The following SGCZ variants were observed in gnomAD, a reference collection of about 807,000 sequenced individuals.
SGCZ encodes zeta-sarcoglycan.
SGCZ carries 40 observed loss-of-function variants against 41.3 expected under a neutral mutation model. The observed-to-expected ratio is 0.97, with a 90% CI of 0.75 to 1.26. The LOEUF is 1.26. Among genes scored for constraint, SGCZ ranks in the 50% most tolerant of loss-of-function variants. The pLI, the probability that SGCZ is intolerant of heterozygous loss-of-function variation, is 0.00. For synonymous variants in SGCZ, 206 were observed against 137.5 expected, an observed-to-expected ratio of 1.50 and a Z score of -3.49; for missense variants, 552 against 369.8, an observed-to-expected ratio of 1.49 and a Z score of -4.04.
intron 2 of SGCZ, among the ~76,000 whole-genome samples, chr8:14,425,646 A>G (rs1178594267): frequency 1.3e-5 from 2 of 151,932 alleles, no homozygotes; most frequent in Non-Finnish European, 2.9e-5. Flanking sequence ...AAGAAAAAAA[A>G]AAAGAAAAGT....
rs565521843 is a variant in SGCZ, at chr8:14,240,756, C to T, written c.337-3077G>A. On this transcript the variant is annotated intron_variant, in intron 3 of 7. Transcript: ENST00000382080. ...GATCATCACTTCCATCCACAAGTCACATAATCATTTCTGTATTTTATATCA... is the reference window on the plus strand; with the variant it reads ...GATCATCACTTCCATCCACAAGTCATATAATCATTTCTGTATTTTATATCA... Among the ~76,000 whole-genome samples, 12 of 152,300 alleles carry T rather than the reference C, an allele frequency of 7.9e-5. No homozygotes were observed. The South Asian group carries it at 8.3e-4, about 11-fold the overall frequency.
chr8:14,403,665 A>G (rs1348563213), intron 2 of SGCZ, among the ~76,000 whole-genome samples: 10 of 152,124 alleles, frequency 6.6e-5, no homozygotes, highest in Non-Finnish European at 1.5e-5. Flanking sequence ...CAAAAAACTT[A>G]TTTTCATAAG....
At chr8:14,138,200 C>T (rs913616023) in intron 5 of SGCZ, among the ~76,000 whole-genome samples, 3 of 152,118 alleles carry the variant, frequency 2.0e-5, no homozygotes, top group Non-Finnish European at 4.4e-5. Flanking sequence ...TGGAAAGGAA[C>T]AACCAGTACC....
At chr8:14,437,940 G>C (rs1448739386) in intron 2 of SGCZ, among the ~76,000 whole-genome samples, 1 of 151,828 alleles carries the variant, frequency 6.6e-6, no homozygotes, top group African/African-American at 2.4e-5. Flanking sequence ...GATTTGTGTT[G>C]TAAATAGTTT....
chr8:14,132,808 C>T (rs1273410013), intron 5 of SGCZ, among the ~76,000 whole-genome samples: 2 of 152,162 alleles, frequency 1.3e-5, no homozygotes, highest in East Asian at 3.9e-4. Flanking sequence ...AAATCAGATT[C>T]TGCCACCTTT....
chr8:14,340,228 C>T (rs1585383260), intron 2 of SGCZ, among the ~76,000 whole-genome samples: 1 of 151,972 alleles, frequency 6.6e-6, no homozygotes, highest in African/African-American at 2.4e-5. Context: ...AAGATTTCTT[C>T]CCATGTTGCT....
At chr8:14,799,838 T>G (rs764338759) in intron 1 of SGCZ, among the ~76,000 whole-genome samples, 1 of 152,018 alleles carries the variant, frequency 6.6e-6, no homozygotes, top group Admixed American at 6.6e-5. Flanking sequence ...ACCTAGCAAA[T>G]GTAGTCTTAT....
At chr8:14,442,822 G>C (rs748636998) in intron 2 of SGCZ, among the ~76,000 whole-genome samples, 1 of 152,020 alleles carries the variant, frequency 6.6e-6, no homozygotes, top group Non-Finnish European at 1.5e-5. Flanking sequence ...ATTATTTTTT[G>C]TATCATTATC....
intron 1 of SGCZ, among the ~76,000 whole-genome samples, chr8:14,590,724 C>T (rs1805213084): frequency 6.8e-6 from 1 of 147,666 alleles, no homozygotes; most frequent in South Asian, 2.1e-4. Flanking sequence ...ACTATATGTA[C>T]TATATATATG....
At chr8:14,129,305 C>G (rs1802961406) in intron 5 of SGCZ, among the ~76,000 whole-genome samples, 1 of 132,076 alleles carries the variant, frequency 7.6e-6, no homozygotes, top group African/African-American at 2.9e-5. Flanking sequence ...AAGATCGTGC[C>G]ATTGCACTCC....
chr8:14,657,638 T>C (rs1397788983), intron 1 of SGCZ, among the ~76,000 whole-genome samples: 1 of 151,574 alleles, frequency 6.6e-6, no homozygotes, highest in Non-Finnish European at 1.5e-5. Flanking sequence ...TCTAACTCTT[T>C]AATCAGATAG....
chr8:14,650,261 G>T (rs1244442351), intron 1 of SGCZ, among the ~76,000 whole-genome samples: 1 of 152,054 alleles, frequency 6.6e-6, no homozygotes, highest in East Asian at 1.9e-4. Context: ...AGAAGCACCT[G>T]ACTCCCCACT....
At chr8:14,927,601 A>C (rs1799797333) in intron 1 of SGCZ, among the ~76,000 whole-genome samples, 1 of 152,070 alleles carries the variant, frequency 6.6e-6, no homozygotes, top group Non-Finnish European at 1.5e-5. Context: ...AGGAAAAACC[A>C]AGGAGGAAGG....
At chr8:14,332,162 A>C (rs1225261367) in intron 2 of SGCZ, among the ~76,000 whole-genome samples, 1 of 152,158 alleles carries the variant, frequency 6.6e-6, no homozygotes, top group East Asian at 1.9e-4. Flanking sequence ...ATGACCGTGC[A>C]CAGTGGCTCA....
At chr8:14,634,331 G>A (rs1196625255) in intron 1 of SGCZ, among the ~76,000 whole-genome samples, 2 of 151,590 alleles carry the variant, frequency 1.3e-5, no homozygotes, top group African/African-American at 4.8e-5. Context: ...ATTTTAAAGG[G>A]ATACTGGTTT....
intron 2 of SGCZ, among the ~76,000 whole-genome samples, chr8:14,423,158 G>A (rs928161249): frequency 5.9e-5 from 9 of 151,708 alleles, no homozygotes; most frequent in African/African-American, 1.9e-4. Flanking sequence ...TCTGGGGACT[G>A]TTGTGGGGTG....
chr8:14,853,419 G>GTAAA (rs751246710), intron 1 of SGCZ: 1 of 529,058 alleles, frequency 1.9e-6, no homozygotes, highest in East Asian at 5.5e-5. Flanking sequence ...GTCTCATGAG[G>GTAAA]TAAAGGCTAG....
chr8:14,611,986 G>C (rs527681322), intron 1 of SGCZ, among the ~76,000 whole-genome samples: 1 of 152,182 alleles, frequency 6.6e-6, no homozygotes, highest in Non-Finnish European at 1.5e-5. Context: ...TATTGCTCTA[G>C]GACAAGGCAT....
At chr8:15,113,361 T>G (rs923173388) in intron 1 of SGCZ, among the ~76,000 whole-genome samples, 1 of 152,176 alleles carries the variant, frequency 6.6e-6, no homozygotes, top group Non-Finnish European at 1.5e-5. Context: ...ATAAATCCCA[T>G]TGCATCTTCT....
Sources: gnomAD v4.1 joint callset for allele counts (sites outside exome capture counted in the v4.1 genomes callset) on GRCh38, gnomAD v4.1.1 for gene constraint, MANE v1.5 for transcripts, NCBI Gene and HGNC (gene_info 2026-07-23, HGNC 2026-07-21) for gene names.